BRINP3: variants seen among roughly 807,000 people sequenced by gnomAD.
BRINP3 encodes the protein BMP/retinoic acid inducible neural specific 3.
BRINP3 carries 19 observed loss-of-function variants against 71.0 expected under a neutral mutation model. The ratio of observed to expected loss-of-function variants is 0.27; its 90% CI spans 0.19 to 0.39. BRINP3 has a LOEUF of 0.39. Among genes scored for constraint, BRINP3 ranks in the 10% least tolerant of loss-of-function variants. The probability of loss-of-function intolerance (pLI) is 1.00; values close to 1 mark genes in which losing one functional copy is unlikely to be tolerated. For synonymous variants in BRINP3, 380 were observed against 337.7 expected (o/e 1.13, Z -1.37); for missense variants, 959 against 940.8 (o/e 1.02, Z -0.25).
intron 2 of BRINP3, among the ~76,000 whole-genome samples, chr1:190,298,080 A>G (rs1019126058): frequency 5.3e-5 from 8 of 152,078 alleles, no homozygotes; most frequent in African/African-American, 1.9e-4. Context: ...TTTTTAAGAA[A>G]TTGGTCAGCT....
intron 5 of BRINP3, among the ~76,000 whole-genome samples, chr1:190,230,110 C>G (rs1039243911): frequency 6.6e-6 from 1 of 151,032 alleles, no homozygotes; most frequent in Non-Finnish European, 1.5e-5. Context: ...CAGAAGAATA[C>G]GTTTAAAAGG....
intron 4 of BRINP3, among the ~76,000 whole-genome samples, chr1:190,235,710 A>C: frequency 6.6e-6 from 1 of 151,848 alleles, no homozygotes; most frequent in East Asian, 1.9e-4. Flanking sequence ...TTTCTAGCGA[A>C]TCCTTCACTT....
chr1:190,281,958 A>C (rs1663073803), intron 2 of BRINP3, among the ~76,000 whole-genome samples: 1 of 151,504 alleles, frequency 6.6e-6, no homozygotes, highest in African/African-American at 2.4e-5. Flanking sequence ...AAAATAAGCC[A>C]CCTAAAGTGT....
At chr1:190,310,424 G>T (rs1291584312) in intron 2 of BRINP3, among the ~76,000 whole-genome samples, 2 of 151,568 alleles carry the variant, frequency 1.3e-5, no homozygotes, top group Admixed American at 1.3e-4. Flanking sequence ...ATATTTTCTG[G>T]TATTTCTAAG....
intron 2 of BRINP3, among the ~76,000 whole-genome samples, chr1:190,368,824 T>A (rs537669231): frequency 6.2e-4 from 94 of 152,310 alleles, no homozygotes; most frequent in African/African-American, 2.3e-3. Flanking sequence ...CGTCTTTAGA[T>A]GAATGTACAC....
At chr1:190,361,054 G>A (rs1032585005) in intron 2 of BRINP3, among the ~76,000 whole-genome samples, 1 of 151,860 alleles carries the variant, frequency 6.6e-6, no homozygotes, top group African/African-American at 2.4e-5. Context: ...TTTAAAAGTC[G>A]GGGTGGGGAG....
chr1:190,292,998 T>A (rs558721327), intron 2 of BRINP3, among the ~76,000 whole-genome samples: 1 of 152,174 alleles, frequency 6.6e-6, no homozygotes, highest in South Asian at 2.1e-4. Flanking sequence ...TTTGTTGATC[T>A]TTTGTAATAT....
rs540422947 is a variant in BRINP3 at position 190,438,363 on chromosome 1, A to C, written c.236+16292T>G. 1.2e-3 allele frequency among the ~76,000 whole-genome samples: 179 copies of C among 151,880 alleles called. 1 individual carries two copies. Among genetic ancestry groups the C allele is most frequent in the African/African-American group, 4.2e-3 (173 of 41,554 alleles). ...TATTTAGATATAAAATAACACTATC[A>C]ACAGTTTTTCTCTCTATCTCTCATC... On this transcript the variant is annotated intron_variant, in intron 2 of 7. Transcript: ENST00000367462.
At chr1:190,248,328 A>AT (rs902737828) in intron 4 of BRINP3, among the ~76,000 whole-genome samples, 6 of 151,540 alleles carry the variant, frequency 4.0e-5, no homozygotes, top group African/African-American at 1.5e-4. Flanking sequence ...ATTTAATCTA[A>AT]TTGCACATCT....
chr1:190,287,149 C>A (rs1235310826), intron 2 of BRINP3, among the ~76,000 whole-genome samples: 1 of 152,052 alleles, frequency 6.6e-6, no homozygotes, highest in African/African-American at 2.4e-5. Context: ...ATCACTTGAC[C>A]TGGGAGGCAG....
intron 2 of BRINP3, among the ~76,000 whole-genome samples, chr1:190,339,005 AAAAT>A (rs144106726): frequency 0.35 from 50,373 of 143,586 alleles, 8,930 homozygotes; most frequent in Middle Eastern, 0.43. Context: ...TTGCAAATGC[AAAAT>A]AAATAAATAA....
At position 190,335,216 on chromosome 1, in the gene BRINP3, A is replaced by C. The variant is rs547767554; in HGVS notation, c.237-53466T>G. ...TAGGCTGAAGTGAAAATAGAAGCAG[A>C]AATCAACAGCATGAACTGAAGATTA... On this transcript the variant is annotated intron_variant, in intron 2 of 7. Coordinates refer to ENST00000367462, the MANE Select transcript of BRINP3 (RefSeq NM_199051.3). Among the ~76,000 whole-genome samples, 5 of 151,954 alleles carry C rather than the reference A, an allele frequency of 3.3e-5. No individual in the cohort carries two copies. In the East Asian group the frequency reaches 9.7e-4, roughly 30 times the overall value.
intron 2 of BRINP3, among the ~76,000 whole-genome samples, chr1:190,433,890 T>G (rs1308257808): frequency 1.3e-5 from 2 of 152,188 alleles, no homozygotes; most frequent in African/African-American, 4.8e-5. Flanking sequence ...TTGAATTATA[T>G]GTGTTCTTGA....
intron 2 of BRINP3, among the ~76,000 whole-genome samples, chr1:190,410,023 C>T (rs1461564509): frequency 6.6e-6 from 1 of 152,108 alleles, no homozygotes; most frequent in Non-Finnish European, 1.5e-5. Context: ...CTCCTTCCCT[C>T]TTCTTTTATT....
intron 6 of BRINP3, among the ~76,000 whole-genome samples, chr1:190,221,998 T>C (rs1656933742): frequency 6.6e-6 from 1 of 151,960 alleles, no homozygotes; most frequent in Non-Finnish European, 1.5e-5. Context: ...GTATCAGTAA[T>C]GAACATATCA....
At chr1:190,181,172 A>G (rs1652998583) in intron 6 of BRINP3, among the ~76,000 whole-genome samples, 1 of 152,054 alleles carries the variant, frequency 6.6e-6, no homozygotes, top group Non-Finnish European at 1.5e-5. Context: ...GTTTTCTCTA[A>G]TTGGCTTTTT....
intron 2 of BRINP3, among the ~76,000 whole-genome samples, chr1:190,321,185 A>G (rs1193034563): frequency 1.3e-5 from 2 of 152,126 alleles, no homozygotes; most frequent in East Asian, 3.9e-4. Flanking sequence ...GAGTTGAGTC[A>G]GCAGACAGGG....
At chr1:190,301,210 T>TATATATATATATATATATACACACATAC (rs1664697693) in intron 2 of BRINP3, among the ~76,000 whole-genome samples, 6 of 107,826 alleles carry the variant, frequency 5.6e-5, no homozygotes, top group Admixed American at 4.1e-4. Context: ...CATACATATA[T>TATATATATATATATATATACACACATAC]ATATATATAT....
At chr1:190,291,422 T>C (rs748767115) in intron 2 of BRINP3, among the ~76,000 whole-genome samples, 1 of 151,994 alleles carries the variant, frequency 6.6e-6, no homozygotes, top group Non-Finnish European at 1.5e-5. Context: ...ATCCAAAATA[T>C]ATAAGGTGCT....
Sources: allele counts gnomAD v4.1 joint callset (sites outside exome capture counted in the v4.1 genomes callset), GRCh38; gene constraint gnomAD v4.1.1; transcripts MANE v1.5; gene names NCBI Gene and HGNC (gene_info 2026-07-23, HGNC 2026-07-21).